Variants in STK11IP observed in about 807,000 individuals in gnomAD.
STK11IP encodes serine/threonine kinase 11 interacting protein.
STK11IP carries 103 observed loss-of-function variants against 131.7 expected under a neutral mutation model. The observed-to-expected ratio is 0.78, with a 90% CI of 0.67 to 0.92. STK11IP has a LOEUF of 0.92. Ranked by LOEUF, STK11IP falls within the 40% of genes least tolerant of loss-of-function variation. The pLI is 0.00. For missense variants in STK11IP, 1,315 were observed against 1,385.7 expected, an observed-to-expected ratio of 0.95 and a Z score of 0.81; for synonymous variants, 557 against 575.6, an observed-to-expected ratio of 0.97 and a Z score of 0.46.
Position 219,609,492 on chromosome 2 carries a change from A to T in STK11IP, c.2056A>T (p.Met686Leu), listed in dbSNP as rs773121181. The T allele has an allele frequency of 2.5e-6, 4 of 1,598,566 alleles. No individual in the cohort carries two copies. The African/African-American group carries it at 5.4e-5, about 21-fold the overall frequency. The change falls in exon 17 of 25, where the codon ATG becomes TTG. Residue 686 changes from methionine to leucine, a missense_variant. Met to Leu is a conservative substitution (Grantham distance 15). Transcript: ENST00000456909. ...GHEFKPEEPR[M>L]GLDSEEGWRP... The stretch of plus-strand genomic sequence containing the variant: ...TGAGTTCAAGCCAGAGGAGCCCAGG[A>T]TGGGATTAGACAGTGAGGAAGGCTG...
At chr2:219,609,660 T>C in intron 17 of STK11IP, 120 bp downstream of exon 17, 3 of 1,180,716 alleles carry the variant, frequency 2.5e-6, no homozygotes, top group Non-Finnish European at 3.7e-6. Context: ...TGGAGAGCAG[T>C]TGTTCTGCCT....
intron 15 of STK11IP, 119 bp from the exon 16 acceptor site, chr2:219,608,978 T>C: frequency 9.6e-7 from 1 of 1,040,084 alleles, no homozygotes. Flanking sequence ...AGCTTGGACG[T>C]CAGTACAGGC....
At chr2:219,605,762 C>T (rs903695798) in intron 8 of STK11IP, 28 bp downstream of exon 8, 3 of 1,590,492 alleles carry the variant, frequency 1.9e-6, no homozygotes, top group Admixed American at 1.8e-5. Context: ...ATGGGGCAAG[C>T]ATGGAGGGGA....
rs751528691 is a variant in STK11IP at position 219,602,775 on chromosome 2, T to C, written c.617T>C (p.Met206Thr). ...GTCCAGGACTGTCAGGGATTCCTGA[T>C]GGTGAGTATGGGCAGTTTGGCAGCT... Reference protein sequence around the residue: ...NQVQDCQGFLMDLCELHHLDI... With the variant: ...NQVQDCQGFLTDLCELHHLDI... Residue 206 changes from methionine (M) to threonine (T), a missense_variant and splice_region_variant, in exon 7 of 25, where the codon ATG (methionine) becomes ACG (threonine). Coordinates refer to ENST00000456909, the MANE Select transcript of STK11IP (RefSeq NM_052902.4). 3 of 1,610,624 alleles carry C rather than the reference T, an allele frequency of 1.9e-6. No homozygotes were observed. In the Admixed American group the frequency reaches 5.0e-5, roughly 27 times the overall value.
At chr2:219,607,567 G>A (rs1698233977) in intron 13 of STK11IP, among the ~76,000 whole-genome samples, 1 of 152,066 alleles carries the variant, frequency 6.6e-6, no homozygotes, top group Non-Finnish European at 1.5e-5. Flanking sequence ...GCTGAGGCAG[G>A]AGGATCGCCA....
rs763183757 is a variant in STK11IP, at chr2:219,609,093, G to T, written c.1810-4G>T. ...TTTCACCCGGTCCCCCTCTTGCTGC[G>T]CAGGGCTCAGATCTGCTCCCTGGAG... On this transcript the variant is annotated splice_region_variant and splice_polypyrimidine_tract_variant and intron_variant, in intron 15 of 24. Coordinates refer to ENST00000456909, the MANE Select transcript of STK11IP (RefSeq NM_052902.4). 1.7e-5 allele frequency: 27 copies of T among 1,583,700 alleles called. No individual in the cohort carries two copies. The East Asian group carries it at 6.0e-4, about 35-fold the overall frequency.
Position 219,606,823 on chromosome 2 carries a change from G to T in STK11IP, c.1099G>T (p.Gly367Cys). 6.2e-7 allele frequency: 1 copy of T among 1,613,438 alleles called. No homozygotes were observed. The highest frequency in any genetic ancestry group is 8.5e-7 in the Non-Finnish European group (1 of 1,179,656). The change falls in exon 12 of 25, where the codon GGT becomes TGT. Residue 367 changes from glycine to cysteine, a missense_variant. Coordinates refer to ENST00000456909, the MANE Select transcript of STK11IP (RefSeq NM_052902.4). Reference protein sequence around the residue: ...PDLSDSLSSGGVVTQPLLHKV... With the variant: ...PDLSDSLSSGCVVTQPLLHKV... ...CCTGAGTGACAGCCTCTCCTCAGGG[G>T]GTGTTGTGACCCAGCCCCTGCTTCA...
In STK11IP at chr2:219,597,927, T is replaced by G. The variant is rs1559173651; in HGVS notation, c.-27+4T>G. ...GAGGACCAGACGGGGAGGTTCGGTA[T>G]GTCTGACCAGGACTTATGTTCCTCG... On this transcript the variant is annotated splice_donor_region_variant and intron_variant, in intron 1 of 24. Transcript: ENST00000456909. 2.5e-6 allele frequency: 4 copies of G among 1,612,376 alleles called. No individual in the cohort carries two copies. Among genetic ancestry groups the G allele is most frequent in the Non-Finnish European group, 3.4e-6 (4 of 1,179,254 alleles).
Position 219,598,280 on chromosome 2 carries a change from A to G in STK11IP, c.61+100A>G, listed in dbSNP as rs1697864602. On this transcript the variant is annotated intron_variant, in intron 2 of 24. Coordinates refer to ENST00000456909, the MANE Select transcript of STK11IP (RefSeq NM_052902.4). ...TGAGAGTCATGGAGTTACGACTGGT[A>G]GGGTCACCAGGTGTCAGAGTTCAAT... is the stretch of plus-strand genomic sequence containing the variant. 2.0e-5 allele frequency: 16 copies of G among 819,834 alleles called. No individual in the cohort carries two copies. The South Asian group carries it at 2.4e-4, about 12-fold the overall frequency. 50.8% of individuals were successfully genotyped at this position (819,834 alleles called of 1,614,324 possible).
rs150711224 is a variant in STK11IP at position 219,614,914 on chromosome 2, C to T, written c.2870-180C>T. 1.0e-4 allele frequency: 76 copies of T among 732,902 alleles called. 1 individual carries two copies. In the Middle Eastern group the frequency reaches 2.0e-3, roughly 19 times the overall value. The allele number at this position is 732,902 out of a possible 1,614,324, so 45.4% of individuals were successfully genotyped here. A position where few individuals can be genotyped will look rare whatever the true frequency, so the allele number is the denominator to read the frequency against. On this transcript the variant is annotated intron_variant, in intron 23 of 24. Transcript: ENST00000456909. ...GGGGGCGGTAGGCCTCAGAGGTATT[C>T]CAGAGTAGAGATTCATGGAGCTTGG...
At chr2:219,607,532 G>A (rs1335777403) in intron 13 of STK11IP, among the ~76,000 whole-genome samples, 1 of 151,848 alleles carries the variant, frequency 6.6e-6, no homozygotes, top group African/African-American at 2.4e-5. Context: ...GGTGGTGTGC[G>A]CCTGTAGTCC....
Position 219,616,167 on chromosome 2 carries a change from C to A in STK11IP, c.3241C>A (p.Gln1081Lys). The change falls in exon 25 of 25, where the codon CAA (glutamine) becomes AAA (lysine). Residue 1081 changes from glutamine to lysine, a missense_variant. Transcript: ENST00000456909. ...TTCCATCGGACTCCGGACAGTGATC[C>A]AAGAGGCGCTGGCCCTTGACCGATG... ...LFSIGLRTVIQEALALDR is the reference protein window; with the variant it reads ...LFSIGLRTVIKEALALDR 6.2e-7 allele frequency: 1 copy of A among 1,613,630 alleles called. No homozygotes were observed. Among genetic ancestry groups the A allele is most frequent in the East Asian group, 2.2e-5 (1 of 44,878 alleles).
At chr2:219,613,964 C>T (rs1401426807) in intron 21 of STK11IP, 34 bp downstream of exon 21, 11 of 918,030 alleles carry the variant, frequency 1.2e-5, no homozygotes, top group Non-Finnish European at 1.8e-5. Context: ...GGAGGGTGGG[C>T]AGGAGGGTGG....
At position 219,616,169 on chromosome 2, in the gene STK11IP, A is replaced by G; in HGVS notation, c.3243A>G (p.Gln1081=). The change falls in exon 25 of 25, where the codon CAA becomes CAG. Residue 1081 remains glutamine (Q), a synonymous_variant. Transcript: ENST00000456909. Reference sequence around the variant, plus strand: ...CCATCGGACTCCGGACAGTGATCCAAGAGGCGCTGGCCCTTGACCGATGAG... The same window carrying G: ...CCATCGGACTCCGGACAGTGATCCAGGAGGCGCTGGCCCTTGACCGATGAG... ...LFSIGLRTVI[Q]EALALDR 1 of 1,613,624 alleles carries G rather than the reference A, an allele frequency of 6.2e-7. No individual in the cohort carries two copies. Among genetic ancestry groups the G allele is most frequent in the South Asian group, 1.1e-5 (1 of 91,072 alleles).
intron 13 of STK11IP, 130 bp from the exon 14 acceptor site, chr2:219,607,917 C>A: frequency 1.6e-6 from 2 of 1,266,210 alleles, no homozygotes; most frequent in Non-Finnish European, 2.1e-6. Context: ...GAGGGGACGC[C>A]TGTAGCCTCC....
At chr2:219,611,430 G>A (rs559842862) in intron 17 of STK11IP, among the ~76,000 whole-genome samples, 174 bp from the exon 18 acceptor site, 212 of 152,318 alleles carry the variant, frequency 1.4e-3, no homozygotes, top group African/African-American at 4.7e-3. Context: ...GGAGTGATCA[G>A]TTGGCAGCTG....
intron 17 of STK11IP, 81 bp downstream of exon 17, chr2:219,609,621 G>A: frequency 6.6e-7 from 1 of 1,511,014 alleles, no homozygotes; most frequent in South Asian, 1.2e-5. Flanking sequence ...GGAGTGTGAA[G>A]GGGGAGCCCT....
intron 21 of STK11IP, 79 bp downstream of exon 21, chr2:219,614,009 C>T (rs978312359): frequency 6.7e-7 from 1 of 1,501,070 alleles, no homozygotes; most frequent in African/African-American, 1.4e-5. Flanking sequence ...CACCTGGTAC[C>T]CAGTAGCGGA....
rs1698485595 is a variant in STK11IP at position 219,613,794 on chromosome 2, C to T, written c.2580C>T (p.Pro860=). Residue 860 remains proline, a synonymous_variant, in exon 21 of 25, where the codon CCC becomes CCT. Transcript: ENST00000456909. ...GGCTGCAGCTGACCCTGGCTGTTCC[C>T]CTGCAGGATCTGAGTGGCATAGAGC... ...ASWLQLTLAV[P]LQDLSGIELG... is the part of the protein sequence containing the mutation. 4 of 1,612,262 alleles carry T rather than the reference C, an allele frequency of 2.5e-6. No individual in the cohort carries two copies. The highest frequency in any genetic ancestry group is 3.4e-6 in the Non-Finnish European group (4 of 1,179,684).
Sources: allele counts gnomAD v4.1 joint callset (sites outside exome capture counted in the v4.1 genomes callset), GRCh38; gene constraint gnomAD v4.1.1; transcripts MANE v1.5; gene names NCBI Gene and HGNC (gene_info 2026-07-23, HGNC 2026-07-21).